TRPV5: variants seen among roughly 807,000 people sequenced by gnomAD.
The protein encoded by TRPV5 is calcium transport protein 2.
A neutral mutation model predicts 74.1 loss-of-function variants in TRPV5; 66 were observed. The ratio of observed to expected loss-of-function variants is 0.89; its 90% CI spans 0.73 to 1.09. TRPV5 has a LOEUF of 1.09. TRPV5 is among the 50% of genes least tolerant of loss of function. The pLI is 0.00. For synonymous variants in TRPV5, 399 were observed against 360.7 expected, an observed-to-expected ratio of 1.11 and a Z score of -1.20; for missense variants, 936 against 930.4, an observed-to-expected ratio of 1.01 and a Z score of -0.08.
At chr7:142,909,727 G>A (rs903735486) in intron 13 of TRPV5, 131 bp from the exon 14 acceptor site, 2 of 902,100 alleles carry the variant, frequency 2.2e-6, no homozygotes, top group African/African-American at 3.3e-5. Flanking sequence ...GGTGAGAACA[G>A]CCACCTATTC....
At chr7:142,918,413 C>A (rs1449880561) in intron 8 of TRPV5, among the ~76,000 whole-genome samples, 1 of 152,226 alleles carries the variant, frequency 6.6e-6, no homozygotes, top group East Asian at 1.9e-4. Flanking sequence ...TGCCTTAGGG[C>A]AAACCCATGC....
intron 1 of TRPV5, among the ~76,000 whole-genome samples, chr7:142,931,015 C>CTTT (rs1408080456): frequency 2.4e-5 from 2 of 84,664 alleles, no homozygotes; most frequent in African/African-American, 8.2e-5. Flanking sequence ...CTCCCTCAGG[C>CTTT]TATTTTTTTT....
In TRPV5 at chr7:142,908,826, GA is replaced by G; in HGVS notation, c.1896-19del. ...TCTCAACCCTGATAAGGGGAAAGGG[GA>G]AAGGACTCAATCCAGGTGGGGAGAC... On this transcript the variant is annotated intron_variant, in intron 14 of 14. Coordinates refer to ENST00000265310, the MANE Select transcript of TRPV5 (RefSeq NM_019841.7). 2 of 1,601,898 alleles carry G rather than the reference GA, an allele frequency of 1.2e-6. No homozygotes were observed. The highest frequency in any genetic ancestry group is 1.3e-5 in the African/African-American group (1 of 74,758).
At position 142,908,865 on chromosome 7, in the gene TRPV5, G is replaced by A. The variant is rs1795660566; in HGVS notation, c.1896-57C>T. 16 of 1,539,310 alleles carry A rather than the reference G, an allele frequency of 1.0e-5. No individual in the cohort carries two copies. The East Asian group carries it at 3.6e-4, about 35-fold the overall frequency. ...CAGGTGGGGAGACATGGGCAGGGGA[G>A]AAGTAGAGGTGACCATTTAGAAAGC... On this transcript the variant is annotated intron_variant, in intron 14 of 14. Transcript: ENST00000265310.
chr7:142,919,910 T>C (rs560535149), intron 8 of TRPV5, among the ~76,000 whole-genome samples: 1 of 152,174 alleles, frequency 6.6e-6, no homozygotes, highest in African/African-American at 2.4e-5. Flanking sequence ...CTAGACCTTT[T>C]TCCCCCCCAT....
intron 13 of TRPV5, among the ~76,000 whole-genome samples, chr7:142,910,681 C>G (rs1258968701): frequency 6.6e-6 from 1 of 152,186 alleles, no homozygotes; most frequent in African/African-American, 2.4e-5. Context: ...CACCAAGTTC[C>G]CTCCTAGCTC....
At chr7:142,910,855 T>C (rs965102680) in intron 13 of TRPV5, among the ~76,000 whole-genome samples, 7 of 152,206 alleles carry the variant, frequency 4.6e-5, no homozygotes, top group Admixed American at 2.6e-4. Context: ...TTTTAGTGCA[T>C]TGGTTTGAGT....
Position 142,928,097 on chromosome 7 carries a change from A to G in TRPV5, c.900T>C (p.Asp300=). ...TCCTTGGCATCCATACCTCTCGTTT[A>G]TCAGAGGAGACCACAAGCTCCAGGA... ...LSFLELVVSS[D]KREARQILEQ... is the part of the protein sequence containing the mutation. Residue 300 remains aspartate, a synonymous_variant, in exon 7 of 15, where the codon GAT becomes GAC. Coordinates refer to ENST00000265310, the MANE Select transcript of TRPV5 (RefSeq NM_019841.7). 1 of 1,614,152 alleles carries G rather than the reference A, an allele frequency of 6.2e-7. No homozygotes were observed. The highest frequency in any genetic ancestry group is 1.7e-5 in the Admixed American group (1 of 60,016).
In TRPV5 at chr7:142,933,542, G is replaced by A. The variant is rs1213583635; in HGVS notation, c.-83C>T. On this transcript the variant is annotated 5_prime_UTR_variant, in exon 1 of 15. Coordinates refer to ENST00000265310, the MANE Select transcript of TRPV5 (RefSeq NM_019841.7). ...GGATGACAGCAACTGAGCAAGAGAT[G>A]GGGTCTATTTGGGGCTGGGACTCTG... The A allele has an allele frequency of 5.2e-6, 8 of 1,545,814 alleles. No homozygotes were observed. In the Admixed American group the frequency reaches 9.8e-5, roughly 19 times the overall value.
At chr7:142,922,390 T>A (rs1168186818) in intron 8 of TRPV5, among the ~76,000 whole-genome samples, 2 of 152,176 alleles carry the variant, frequency 1.3e-5, no homozygotes, top group Non-Finnish European at 2.9e-5. Context: ...TCCGGGAATC[T>A]AAATGACCAG....
intron 8 of TRPV5, among the ~76,000 whole-genome samples, chr7:142,923,343 A>T (rs1367779737): frequency 6.6e-6 from 1 of 152,254 alleles, no homozygotes; most frequent in Non-Finnish European, 1.5e-5. Context: ...TATTTAAAAA[A>T]TCTGGTGCAC....
intron 1 of TRPV5, among the ~76,000 whole-genome samples, chr7:142,931,147 C>T (rs553215354): frequency 5.9e-5 from 9 of 151,492 alleles, no homozygotes; most frequent in Admixed American, 5.3e-4. Flanking sequence ...CTCAGTCTCC[C>T]GAGTAGCTGG....
rs1795723177 is a variant in TRPV5 at position 142,912,804 on chromosome 7, A to G, written c.1520-54T>C. On this transcript the variant is annotated intron_variant, in intron 12 of 14. Coordinates refer to ENST00000265310, the MANE Select transcript of TRPV5 (RefSeq NM_019841.7). ...ATGGGATAATGGAGTTATCACAATAAGCATGGACATGGTTAGCACTTATTC... is the reference window on the plus strand; with the variant it reads ...ATGGGATAATGGAGTTATCACAATAGGCATGGACATGGTTAGCACTTATTC... 1.9e-6 allele frequency: 3 copies of G among 1,578,842 alleles called. No individual in the cohort carries two copies. In the Admixed American group the frequency reaches 5.1e-5, roughly 27 times the overall value.
chr7:142,909,756 G>A (rs1030903597), intron 13 of TRPV5, among the ~76,000 whole-genome samples, 160 bp from the exon 14 acceptor site: 1 of 152,232 alleles, frequency 6.6e-6, no homozygotes, highest in Non-Finnish European at 1.5e-5. Flanking sequence ...GCCTGTGCCA[G>A]GCACCATGCA....
At chr7:142,927,206 G>A (rs936010019) in intron 7 of TRPV5, among the ~76,000 whole-genome samples, 2 of 152,126 alleles carry the variant, frequency 1.3e-5, no homozygotes, top group African/African-American at 2.4e-5. Flanking sequence ...GTCTATCCAA[G>A]CCAAGTTAAC....
chr7:142,915,681 AC>A, intron 8 of TRPV5, 113 bp from the exon 9 acceptor site: 1 of 927,362 alleles, frequency 1.1e-6, no homozygotes, highest in Non-Finnish European at 1.6e-6. Flanking sequence ...TCCCCTTCCC[AC>A]CAGCATCACC....
At chr7:142,928,264 C>G (rs761463027) in intron 6 of TRPV5, 30 bp from the exon 7 acceptor site, 59 of 1,613,424 alleles carry the variant, frequency 3.7e-5, no homozygotes, top group Non-Finnish European at 5.0e-5. Context: ...AGTCAGGGGG[C>G]CAACGTGTGA....
chr7:142,919,916 C>T (rs4252463), intron 8 of TRPV5, among the ~76,000 whole-genome samples: 5,022 of 152,260 alleles, frequency 0.033, 123 homozygotes, highest in African/African-American at 0.077. Context: ...CTTTTTCCCC[C>T]CCATGATCCC....
At position 142,908,442 on chromosome 7, in the gene TRPV5, G is replaced by A; in HGVS notation, c.*72C>T. On this transcript the variant is annotated 3_prime_UTR_variant, in exon 15 of 15. Transcript: ENST00000265310. The stretch of plus-strand genomic sequence containing the variant: ...GGCACAGAAGTTAGACACTTGCATA[G>A]GCAGAGGTCTCCGTCTCTGTCCCCG... 4 of 1,536,294 alleles carry A rather than the reference G, an allele frequency of 2.6e-6. No homozygotes were observed. In the South Asian group the frequency reaches 4.8e-5, roughly 18 times the overall value.
Sources: gnomAD v4.1 joint callset for allele counts (sites outside exome capture counted in the v4.1 genomes callset) on GRCh38, gnomAD v4.1.1 for gene constraint, MANE v1.5 for transcripts, NCBI Gene and HGNC (gene_info 2026-07-23, HGNC 2026-07-21) for gene names.